Variants in OPRD1 observed in about 807,000 individuals in gnomAD.
OPRD1 encodes the protein opioid receptor delta 1.
In OPRD1, 19 loss-of-function variants were observed where a neutral mutation model predicts 17.5. That is an observed-to-expected ratio of 1.09 (90% CI 0.76 to 1.60). OPRD1 has a LOEUF of 1.60. Ranked by LOEUF, OPRD1 falls within the 40% of genes most tolerant of loss-of-function variation. OPRD1 has a pLI of 0.00. For synonymous variants in OPRD1, 256 were observed against 240.9 expected, an observed-to-expected ratio of 1.06 and a Z score of -0.58; for missense variants, 483 against 547.2, an observed-to-expected ratio of 0.88 and a Z score of 1.17.
At chr1:28,823,419 C>T (rs189863970) in intron 1 of OPRD1, among the ~76,000 whole-genome samples, 13 of 97,528 alleles carry the variant, frequency 1.3e-4, no homozygotes, top group East Asian at 1.3e-3. Flanking sequence ...TTATTTGAGA[C>T]GGAGTCTTGC....
At chr1:28,851,717 C>T (rs1218807612) in intron 1 of OPRD1, among the ~76,000 whole-genome samples, 1 of 151,454 alleles carries the variant, frequency 6.6e-6, no homozygotes, top group African/African-American at 2.4e-5. Flanking sequence ...ACTAAAAATA[C>T]AAAATTAGCC....
intron 1 of OPRD1, among the ~76,000 whole-genome samples, chr1:28,852,294 CATCTT>C (rs1436129965): frequency 6.6e-6 from 1 of 151,506 alleles, no homozygotes. Context: ...ATGGAAGAGA[CATCTT>C]ATAGGTCTTT....
intron 2 of OPRD1, among the ~76,000 whole-genome samples, chr1:28,860,252 C>G (rs576149787): frequency 6.6e-6 from 1 of 152,034 alleles, no homozygotes; most frequent in South Asian, 2.1e-4. Context: ...GTAGTCCCAG[C>G]TACTTGGGAG....
chr1:28,829,659 G>A (rs535260603), intron 1 of OPRD1, among the ~76,000 whole-genome samples: 19 of 151,890 alleles, frequency 1.3e-4, no homozygotes, highest in Non-Finnish European at 2.2e-4. Flanking sequence ...GTGAGCCACC[G>A]TGCCTGGCCT....
At chr1:28,835,838 C>T (rs1365919068) in intron 1 of OPRD1, among the ~76,000 whole-genome samples, 1 of 152,158 alleles carries the variant, frequency 6.6e-6, no homozygotes, top group South Asian at 2.1e-4. Context: ...CTAGGCCCTG[C>T]CATCCCTAGC....
In OPRD1 at chr1:28,812,509, C is replaced by A. The variant is rs745656918; in HGVS notation, c.126C>A (p.Ser42Arg). The part of the protein sequence containing the change: ...ANASGPPGAR[S>R]ASSLALAIAI... ...CGTCGGGGCCGCCAGGCGCGCGGAGCGCCTCGTCCCTCGCCCTGGCAATCG... is the reference window on the plus strand; with the variant it reads ...CGTCGGGGCCGCCAGGCGCGCGGAGAGCCTCGTCCCTCGCCCTGGCAATCG... The change falls in exon 1 of 3, where the codon AGC (serine) becomes AGA (arginine). Residue 42 changes from serine (S) to arginine (R), a missense_variant. Coordinates refer to ENST00000234961, the MANE Select transcript of OPRD1 (RefSeq NM_000911.4). 6.4e-6 allele frequency: 10 copies of A among 1,568,468 alleles called. No individual in the cohort carries two copies. Among genetic ancestry groups the A allele is most frequent in the Non-Finnish European group, 8.6e-6 (10 of 1,165,728 alleles).
chr1:28,842,178 C>T (rs1313581452), intron 1 of OPRD1, among the ~76,000 whole-genome samples: 4 of 152,054 alleles, frequency 2.6e-5, no homozygotes, highest in South Asian at 2.1e-4. Context: ...TATAGGCATG[C>T]GCCACCACGC....
In OPRD1 at chr1:28,867,154, T is replaced by A. The variant is rs1361588372; in HGVS notation, c.*3871T>A. 1.3e-5 allele frequency: 2 copies of A among 152,070 alleles called. No homozygotes were observed. Among genetic ancestry groups the A allele is most frequent in the African/African-American group, 4.8e-5 (2 of 41,422 alleles). The allele number at this position is 152,070 out of a possible 1,614,324, so 9.4% of individuals were successfully genotyped here. On this transcript the variant is annotated 3_prime_UTR_variant, in exon 3 of 3. Transcript: ENST00000234961. ...TCCTGAGAATCTGGGACGACGGGTGTGTGACACCATGCCCAGCAATTTTAT... is the reference window on the plus strand; with the variant it reads ...TCCTGAGAATCTGGGACGACGGGTGAGTGACACCATGCCCAGCAATTTTAT...
At chr1:28,840,058 TG>T (rs2088883342) in intron 1 of OPRD1, among the ~76,000 whole-genome samples, 2 of 152,288 alleles carry the variant, frequency 1.3e-5, no homozygotes, top group South Asian at 4.1e-4. Flanking sequence ...GGCCCTGTGC[TG>T]GGTGCTAGGT....
At chr1:28,843,302 T>C (rs527657473) in intron 1 of OPRD1, among the ~76,000 whole-genome samples, 7 of 152,308 alleles carry the variant, frequency 4.6e-5, no homozygotes, top group Admixed American at 6.5e-5. Flanking sequence ...AAAAATACCA[T>C]TGTAACCATT....
chr1:28,835,664 A>G (rs1010721852), intron 1 of OPRD1, among the ~76,000 whole-genome samples: 15 of 152,146 alleles, frequency 9.9e-5, no homozygotes, highest in African/African-American at 3.6e-4. Flanking sequence ...CATTGAAGCT[A>G]TTTGTTCCCC....
At chr1:28,838,173 GATGGTTCCATTC>G (rs963770581) in intron 1 of OPRD1, among the ~76,000 whole-genome samples, 1 of 152,094 alleles carries the variant, frequency 6.6e-6, no homozygotes, top group Admixed American at 6.6e-5. Flanking sequence ...TAGTGATTGA[GATGGTTCCATTC>G]ATGGACCTAC....
Position 28,867,906 on chromosome 1 carries a change from G to A in OPRD1, c.*4623G>A, listed in dbSNP as rs991421493. On this transcript the variant is annotated 3_prime_UTR_variant, in exon 3 of 3. Transcript: ENST00000234961. ...AGGGAAGAGTAGGTGAGCTGTCGGG[G>A]CTAGTGATGGAGAGAGAGAAGAGAC... is the stretch of plus-strand genomic sequence containing the variant. 2.0e-5 allele frequency: 3 copies of A among 152,320 alleles called. No individual in the cohort carries two copies. The highest frequency in any genetic ancestry group is 2.9e-5 in the Non-Finnish European group (2 of 68,126). The allele number at this position is 152,320 out of a possible 1,614,324, so 9.4% of individuals were successfully genotyped here.
chr1:28,821,527 C>A (rs2088712316), intron 1 of OPRD1, among the ~76,000 whole-genome samples: 1 of 152,168 alleles, frequency 6.6e-6, no homozygotes, highest in African/African-American at 2.4e-5. Context: ...CATGAGCCGA[C>A]ACACCCAGCT....
intron 1 of OPRD1, among the ~76,000 whole-genome samples, chr1:28,828,454 A>C (rs489272): frequency 6.6e-6 from 1 of 151,766 alleles, no homozygotes; most frequent in African/African-American, 2.4e-5. Flanking sequence ...CATAATTCTT[A>C]AGGGCCCTAG....
chr1:28,814,574 C>T (rs1311325434), intron 1 of OPRD1, among the ~76,000 whole-genome samples: 3 of 152,194 alleles, frequency 2.0e-5, no homozygotes, highest in Non-Finnish European at 4.4e-5. Context: ...AAAAGCCGAG[C>T]GTCGGTGTGT....
chr1:28,818,333 C>T (rs895708478), intron 1 of OPRD1, among the ~76,000 whole-genome samples: 2 of 152,186 alleles, frequency 1.3e-5, no homozygotes, highest in Admixed American at 6.5e-5. Flanking sequence ...CCTCCATACG[C>T]CCCCTGGCTC....
chr1:28,855,670 T>C (rs955025426), intron 1 of OPRD1, among the ~76,000 whole-genome samples: 1 of 152,226 alleles, frequency 6.6e-6, no homozygotes, highest in African/African-American at 2.4e-5. Flanking sequence ...CTTCCCAGCA[T>C]CCCAGCCCCC....
intron 1 of OPRD1, among the ~76,000 whole-genome samples, chr1:28,848,287 G>A (rs1001718783): frequency 6.6e-6 from 1 of 151,840 alleles, no homozygotes; most frequent in African/African-American, 2.4e-5. Context: ...ATACCATCAC[G>A]TTGGGAGTTA....
Sources: gnomAD v4.1 joint callset for allele counts (sites outside exome capture counted in the v4.1 genomes callset) on GRCh38, gnomAD v4.1.1 for gene constraint, MANE v1.5 for transcripts, NCBI Gene and HGNC (gene_info 2026-07-23, HGNC 2026-07-21) for gene names.